Variants in STAC observed in about 807,000 individuals in gnomAD.
The protein encoded by STAC is SH3 and cysteine rich domain.
Under a neutral mutation model 48.8 loss-of-function variants are expected in STAC, and 43 were observed. That is an observed-to-expected ratio of 0.88 (90% CI 0.69 to 1.14). The LOEUF is 1.14. Ranked by LOEUF, STAC falls within the 50% of genes most tolerant of loss-of-function variation. STAC has a pLI of 0.00. For synonymous variants in STAC, 193 were observed against 179.5 expected (o/e 1.07, Z -0.60); for missense variants, 497 against 504.0 (o/e 0.99, Z 0.13).
rs775441591 is a variant in STAC at position 36,493,226 on chromosome 3, A to C, written c.763A>C (p.Ser255Arg). ...GGYDLRKRSN[S>R]VFTYPENGTD... Reference sequence around the variant, plus strand: ...GTATGACCTAAGGAAACGCAGCAACAGCGGTGAGTGAGGGAGTTGGCACAG... The same window carrying C: ...GTATGACCTAAGGAAACGCAGCAACCGCGGTGAGTGAGGGAGTTGGCACAG... Residue 255 changes from serine to arginine, a missense_variant, in exon 6 of 11, where the codon AGC becomes CGC. Ser to Arg is a moderately radical substitution (Grantham distance 110). Transcript: ENST00000273183. The C allele has an allele frequency of 6.2e-7, 1 of 1,613,136 alleles. No homozygotes were observed. Among genetic ancestry groups the C allele is most frequent in the Non-Finnish European group, 8.5e-7 (1 of 1,179,332 alleles).
chr3:36,460,003 T>C (rs1313657182), intron 2 of STAC, among the ~76,000 whole-genome samples: 1 of 152,160 alleles, frequency 6.6e-6, no homozygotes, highest in Non-Finnish European at 1.5e-5. Context: ...GTATGCAGTC[T>C]CTACTTGGCA....
intron 1 of STAC, among the ~76,000 whole-genome samples, chr3:36,396,601 G>A (rs1419107843): frequency 6.6e-6 from 1 of 152,148 alleles, no homozygotes; most frequent in Non-Finnish European, 1.5e-5. Flanking sequence ...TGGGGGGCAA[G>A]AAAATGTTCC....
chr3:36,529,012 A>G, intron 10 of STAC, 27 bp downstream of exon 10: 1 of 1,567,554 alleles, frequency 6.4e-7, no homozygotes, highest in Non-Finnish European at 8.7e-7. Context: ...AACACATTCC[A>G]GATATGAGCC....
intron 8 of STAC, among the ~76,000 whole-genome samples, chr3:36,523,068 G>A (rs1698844276): frequency 6.6e-6 from 1 of 152,172 alleles, no homozygotes. Context: ...AAGAGAGACA[G>A]GACTGCTGAG....
At chr3:36,460,388 G>A (rs895422737) in intron 2 of STAC, among the ~76,000 whole-genome samples, 1 of 152,010 alleles carries the variant, frequency 6.6e-6, no homozygotes, top group African/African-American at 2.4e-5. Flanking sequence ...TTTTTAATAG[G>A]TCACTGGCAA....
intron 10 of STAC, among the ~76,000 whole-genome samples, chr3:36,539,816 A>T (rs1699281557): frequency 6.6e-6 from 1 of 152,102 alleles, no homozygotes; most frequent in Admixed American, 6.6e-5. Context: ...GTAATTTTTA[A>T]AATGTTTTAT....
At chr3:36,447,586 C>T (rs60011336) in intron 2 of STAC, among the ~76,000 whole-genome samples, 1 of 151,906 alleles carries the variant, frequency 6.6e-6, no homozygotes, top group Admixed American at 6.6e-5. Context: ...CATCCCATTG[C>T]TCAACAAAGC....
chr3:36,476,689 CCA>C (rs1458355301), intron 2 of STAC, among the ~76,000 whole-genome samples: 1 of 152,172 alleles, frequency 6.6e-6, no homozygotes, highest in East Asian at 1.9e-4. Context: ...TTGTCTAGCA[CCA>C]GTTTTGTTAT....
chr3:36,467,937 G>A (rs1045610111), intron 2 of STAC, among the ~76,000 whole-genome samples: 7 of 152,068 alleles, frequency 4.6e-5, no homozygotes, highest in African/African-American at 1.7e-4. Flanking sequence ...TGTGACCTCA[G>A]ATTGTCTATT....
chr3:36,536,053 C>T (rs1303174802), intron 10 of STAC, among the ~76,000 whole-genome samples: 1 of 152,052 alleles, frequency 6.6e-6, no homozygotes, highest in Non-Finnish European at 1.5e-5. Flanking sequence ...GTACCAGCTC[C>T]TTTTTGTACC....
intron 2 of STAC, among the ~76,000 whole-genome samples, chr3:36,469,502 C>T (rs1439888854): frequency 2.7e-5 from 4 of 149,530 alleles, no homozygotes; most frequent in South Asian, 2.1e-4. Flanking sequence ...ATGTTTTTGA[C>T]TCAAGGATTC....
chr3:36,396,625 GT>G (rs1212994672), intron 1 of STAC, among the ~76,000 whole-genome samples: 1 of 152,116 alleles, frequency 6.6e-6, no homozygotes, highest in Non-Finnish European at 1.5e-5. Context: ...CATTTTTCCT[GT>G]TGATAATTTT....
intron 6 of STAC, among the ~76,000 whole-genome samples, chr3:36,494,129 G>T (rs1698069688): frequency 7.9e-6 from 1 of 127,330 alleles, no homozygotes; most frequent in African/African-American, 3.0e-5. Context: ...TCCCGCCTGG[G>T]CCACAGAGCG....
intron 1 of STAC, among the ~76,000 whole-genome samples, chr3:36,382,976 C>T (rs967492983): frequency 6.6e-6 from 1 of 152,124 alleles, no homozygotes; most frequent in Admixed American, 6.5e-5. Flanking sequence ...TAAACTCTCT[C>T]AAGGAAGACT....
chr3:36,500,666 T>G (rs1457788735), intron 6 of STAC, among the ~76,000 whole-genome samples: 2 of 152,192 alleles, frequency 1.3e-5, no homozygotes, highest in African/African-American at 4.8e-5. Context: ...ATAAAGCCAA[T>G]TTCATGAATT....
chr3:36,544,998 C>G (rs1055921023), intron 10 of STAC, among the ~76,000 whole-genome samples: 3 of 152,212 alleles, frequency 2.0e-5, no homozygotes, highest in Non-Finnish European at 2.9e-5. Flanking sequence ...GTGTCCTATT[C>G]AAGCCCCTTC....
intron 8 of STAC, among the ~76,000 whole-genome samples, chr3:36,514,235 T>TTC (rs71085129): frequency 8.9e-6 from 1 of 112,016 alleles, no homozygotes; most frequent in African/African-American, 3.1e-5. Context: ...TTTTTTTTTT[T>TTC]CACAAAAGGA....
chr3:36,455,641 G>GA (rs1696831854), intron 2 of STAC, among the ~76,000 whole-genome samples: 1 of 152,286 alleles, frequency 6.6e-6, no homozygotes, highest in East Asian at 1.9e-4. Flanking sequence ...ACCTACTTTA[G>GA]AATGGTCCTC....
At chr3:36,422,834 A>C (rs929165394) in intron 1 of STAC, among the ~76,000 whole-genome samples, 1 of 152,148 alleles carries the variant, frequency 6.6e-6, no homozygotes, top group Admixed American at 6.5e-5. Flanking sequence ...ATACCAGCCA[A>C]TGGTATTTGT....
Sources: allele counts gnomAD v4.1 joint callset (sites outside exome capture counted in the v4.1 genomes callset), GRCh38; gene constraint gnomAD v4.1.1; transcripts MANE v1.5; gene names NCBI Gene and HGNC (gene_info 2026-07-23, HGNC 2026-07-21).